Variants in KCNJ6 observed in about 807,000 individuals in gnomAD.
KCNJ6 encodes the protein potassium inwardly rectifying channel subfamily J member 6.
A neutral mutation model predicts 34.2 loss-of-function variants in KCNJ6; 9 were observed. That is an observed-to-expected ratio of 0.26 (90% confidence interval 0.16 to 0.46). The LOEUF (loss-of-function observed/expected upper bound fraction) is 0.46. Ranked by LOEUF, KCNJ6 falls within the 20% of genes least tolerant of loss-of-function variation. The probability of loss-of-function intolerance (pLI) is 1.00; values close to 1 mark genes in which losing one functional copy is unlikely to be tolerated. For missense variants in KCNJ6, 236 were observed against 531.3 expected (o/e 0.44, Z 5.46); for synonymous variants, 196 against 207.1 (o/e 0.95, Z 0.46).
rs542945993 is a variant in KCNJ6, at chr21:37,909,200, A to G, written c.-28+6684T>C. Among the ~76,000 whole-genome samples, 4 of 152,276 alleles carry G rather than the reference A, an allele frequency of 2.6e-5. No homozygotes were observed. In the South Asian group the frequency reaches 6.2e-4, roughly 24 times the overall value. On this transcript the variant is annotated intron_variant, in intron 1 of 3. Transcript: ENST00000609713. ...TAGATTTATGTGAAAGAAATCTTCTATTTTGTTAAATTAGTGAGATTTAGA... is the reference window on the plus strand; with the variant it reads ...TAGATTTATGTGAAAGAAATCTTCTGTTTTGTTAAATTAGTGAGATTTAGA...
intron 1 of KCNJ6, among the ~76,000 whole-genome samples, chr21:37,899,461 C>A (rs2055806020): frequency 6.6e-6 from 1 of 152,338 alleles, no homozygotes; most frequent in East Asian, 1.9e-4. Context: ...TTCTCCAGCT[C>A]TCTTGTCTCA....
intron 3 of KCNJ6, among the ~76,000 whole-genome samples, chr21:37,701,550 G>A (rs1356451462): frequency 6.6e-6 from 1 of 152,166 alleles, no homozygotes; most frequent in East Asian, 1.9e-4. Flanking sequence ...CTGTGGTCCA[G>A]GAACTGCTCT....
intron 2 of KCNJ6, among the ~76,000 whole-genome samples, chr21:37,777,521 C>G (rs1044718268): frequency 6.6e-6 from 1 of 152,186 alleles, no homozygotes; most frequent in Non-Finnish European, 1.5e-5. Flanking sequence ...TTCTCCCAGA[C>G]ATTGTGCCAT....
intron 2 of KCNJ6, among the ~76,000 whole-genome samples, chr21:37,738,892 T>G (rs2054926083): frequency 6.6e-6 from 1 of 152,236 alleles, no homozygotes; most frequent in Non-Finnish European, 1.5e-5. Flanking sequence ...AAACATCCTC[T>G]TTAATCTGCA....
At chr21:37,875,853 T>C (rs2055675574) in intron 1 of KCNJ6, among the ~76,000 whole-genome samples, 1 of 152,180 alleles carries the variant, frequency 6.6e-6, no homozygotes, top group Admixed American at 6.5e-5. Context: ...CATTTATTCT[T>C]TTAGTACTAA....
rs2123374747 is a variant in KCNJ6 at position 37,638,657 on chromosome 21, C to T, written c.947-13173G>A. On this transcript the variant is annotated intron_variant, in intron 3 of 3. Coordinates refer to ENST00000609713, the MANE Select transcript of KCNJ6 (RefSeq NM_002240.5). The stretch of plus-strand genomic sequence containing the variant: ...TCCTTTTAAGCCTGTCCATTCTTAC[C>T]TCATCTTCCACACAAATGGTGTTTA... 1.3e-5 allele frequency among the ~76,000 whole-genome samples: 2 copies of T among 152,278 alleles called. 1 individual carries two copies. The highest frequency in any genetic ancestry group is 4.1e-4 in the South Asian group (2 of 4,826).
chr21:37,741,945 G>A (rs553361081), intron 2 of KCNJ6, among the ~76,000 whole-genome samples: 1 of 152,344 alleles, frequency 6.6e-6, no homozygotes, highest in Non-Finnish European at 1.5e-5. Context: ...ATTCACACGT[G>A]CTGTAGTAAG....
chr21:37,722,887 A>T (rs2054833991), intron 2 of KCNJ6, among the ~76,000 whole-genome samples: 1 of 152,218 alleles, frequency 6.6e-6, no homozygotes, highest in Non-Finnish European at 1.5e-5. Flanking sequence ...GAAAGAATAT[A>T]TGACTACGTC....
rs1370696867 is a variant in KCNJ6, at chr21:37,622,041, C to CA, written c.*3117dup. On this transcript the variant is annotated 3_prime_UTR_variant, in exon 4 of 4. Transcript: ENST00000609713. Reference sequence around the variant, plus strand: ...GCCTTGTGGTGGGGGGTCATGCTTGCAGCTGAACCTGCCCTTCCATCCAGG... The same window carrying CA: ...GCCTTGTGGTGGGGGGTCATGCTTGCAAGCTGAACCTGCCCTTCCATCCAGG... The CA allele has an allele frequency of 2.0e-5, 3 of 152,210 alleles. No individual in the cohort carries two copies. The highest frequency in any genetic ancestry group is 7.2e-5 in the African/African-American group (3 of 41,458). 9.4% of individuals were successfully genotyped at this position (152,210 alleles called of 1,614,324 possible). A position where few individuals can be genotyped will look rare whatever the true frequency, so the allele number is the denominator to read the frequency against.
intron 3 of KCNJ6, among the ~76,000 whole-genome samples, chr21:37,659,715 C>T (rs2054479634): frequency 1.3e-5 from 2 of 152,178 alleles, no homozygotes; most frequent in Non-Finnish European, 2.9e-5. Flanking sequence ...AATGCCTGGA[C>T]CACAATCATC....
chr21:37,684,774 C>G (rs1180205358), intron 3 of KCNJ6, among the ~76,000 whole-genome samples: 1 of 152,198 alleles, frequency 6.6e-6, no homozygotes, highest in East Asian at 1.9e-4. Context: ...GGCTGCCCAG[C>G]CGAGTCAGCG....
intron 3 of KCNJ6, among the ~76,000 whole-genome samples, chr21:37,711,413 A>T (rs912784785): frequency 6.6e-6 from 1 of 152,226 alleles, no homozygotes; most frequent in African/African-American, 2.4e-5. Context: ...ACCACTGAGC[A>T]CAGCAGGTTA....
intron 3 of KCNJ6, among the ~76,000 whole-genome samples, chr21:37,663,526 A>G (rs1230411834): frequency 1.3e-5 from 2 of 152,296 alleles, no homozygotes; most frequent in East Asian, 3.9e-4. Context: ...AAGGGCATAG[A>G]AAAGTTGAAG....
chr21:37,607,482 A>ATATATATTTT lies in KCNJ6; in HGVS notation c.*17676_*17677insAAAATATATA. ...CTTAAAGATATATATATATATATAT[A>ATATATATTTT]TTTTTTTTTTATTTTAAAAAAATTT... On this transcript the variant is annotated 3_prime_UTR_variant, in exon 4 of 4. Coordinates refer to ENST00000609713, the MANE Select transcript of KCNJ6 (RefSeq NM_002240.5). 8.5e-3 allele frequency: 1,165 copies of ATATATATTTT among 136,700 alleles called. 6 individuals are homozygous for ATATATATTTT. Among genetic ancestry groups the ATATATATTTT allele is most frequent in the Non-Finnish European group, 0.011 (688 of 64,732 alleles). 8.5% of individuals were successfully genotyped at this position (136,700 alleles called of 1,614,324 possible). A position where few individuals can be genotyped will look rare whatever the true frequency, so the allele number is the denominator to read the frequency against.
intron 2 of KCNJ6, among the ~76,000 whole-genome samples, chr21:37,733,876 G>C (rs746202606): frequency 2.6e-5 from 4 of 152,166 alleles, no homozygotes; most frequent in Non-Finnish European, 2.9e-5. Flanking sequence ...AGACATGTAG[G>C]TGTAGTTCTT....
At chr21:37,884,259 C>T (rs905067178) in intron 1 of KCNJ6, among the ~76,000 whole-genome samples, 2 of 152,148 alleles carry the variant, frequency 1.3e-5, no homozygotes, top group South Asian at 2.1e-4. Flanking sequence ...CATCAAGTAG[C>T]GCAGCAATGG....
chr21:37,818,207 C>CGTGTGTGTGTGTGT (rs1281572811), intron 2 of KCNJ6, among the ~76,000 whole-genome samples: 31 of 81,040 alleles, frequency 3.8e-4, no homozygotes, highest in African/African-American at 1.3e-3. Flanking sequence ...TGTGTGTGTG[C>CGTGTGTGTGTGTGT]GTGCGTGTGT....
At chr21:37,870,806 G>A (rs967440482) in intron 1 of KCNJ6, among the ~76,000 whole-genome samples, 5 of 152,236 alleles carry the variant, frequency 3.3e-5, no homozygotes, top group African/African-American at 7.2e-5. Context: ...TGATGCCATC[G>A]TCCATCATGG....
rs2055891364 is a variant in KCNJ6 at position 37,915,927 on chromosome 21, C to T, written c.-71G>A. The T allele has an allele frequency of 6.6e-6, 1 of 151,990 alleles. No homozygotes were observed. Among genetic ancestry groups the T allele is most frequent in the Admixed American group, 6.6e-5 (1 of 15,264 alleles). The allele number at this position is 151,990 out of a possible 1,614,324, so 9.4% of individuals were successfully genotyped here. ...GCTTCACTCAATCATGATCTCCTCT[C>T]TTGAAACGGAGCAAGACTGAACAAT... is the stretch of plus-strand genomic sequence containing the variant. On this transcript the variant is annotated 5_prime_UTR_variant, in exon 1 of 4. Transcript: ENST00000609713.
Sources: allele counts gnomAD v4.1 joint callset (sites outside exome capture counted in the v4.1 genomes callset), GRCh38; gene constraint gnomAD v4.1.1; transcripts MANE v1.5; gene names NCBI Gene and HGNC (gene_info 2026-07-23, HGNC 2026-07-21).